FHIP1A: variants seen among roughly 807,000 people sequenced by gnomAD.
FHIP1A encodes FHF complex subunit HOOK-interacting protein 1A.
Under a neutral mutation model 88.6 loss-of-function variants are expected in FHIP1A, and 61 were observed. That is an observed-to-expected ratio of 0.69 (90% CI 0.56 to 0.85). The LOEUF (loss-of-function observed/expected upper bound fraction) is 0.85, where lower values mean the gene tolerates loss of function less well. FHIP1A is among the 40% of genes least tolerant of loss of function. The probability of loss-of-function intolerance (pLI) is 0.00; values close to 1 mark genes in which losing one functional copy is unlikely to be tolerated. For missense variants in FHIP1A, 1,154 were observed against 1,273.5 expected (o/e 0.91, Z 1.43); for synonymous variants, 478 against 496.0 (o/e 0.96, Z 0.48).
intron 13 of FHIP1A, among the ~76,000 whole-genome samples, chr4:151,659,356 A>G (rs540415595): frequency 1.3e-5 from 2 of 152,304 alleles, no homozygotes; most frequent in South Asian, 2.1e-4. Context: ...TGAAGCATTT[A>G]CTGTGACATG....
intron 3 of FHIP1A, among the ~76,000 whole-genome samples, chr4:151,551,336 T>C (rs1456147176): frequency 6.6e-6 from 1 of 152,146 alleles, no homozygotes; most frequent in Non-Finnish European, 1.5e-5. Context: ...AAAACTACTT[T>C]AAAGTTCATA....
intron 1 of FHIP1A, among the ~76,000 whole-genome samples, chr4:151,428,391 T>C (rs1004365855): frequency 6.6e-6 from 1 of 152,198 alleles, no homozygotes; most frequent in Non-Finnish European, 1.5e-5. Context: ...AAGTAAATAA[T>C]GAAACTGATT....
rs1245241852 is a variant in FHIP1A at position 151,649,449 on chromosome 4, T to C, written c.1418-10T>C. ...TCCCTTGTTCTAACCAGCCTCTGCC[T>C]CCTGTGCAGGGCCTGTGGAGCGGCC... On this transcript the variant is annotated splice_polypyrimidine_tract_variant and intron_variant, in intron 10 of 13. Transcript: ENST00000435205. The C allele has an allele frequency of 5.2e-6, 8 of 1,536,636 alleles. No homozygotes were observed. In the South Asian group the frequency reaches 8.7e-5, roughly 17 times the overall value.
intron 1 of FHIP1A, among the ~76,000 whole-genome samples, chr4:151,427,774 A>G (rs1733440853): frequency 6.6e-6 from 1 of 152,156 alleles, no homozygotes; most frequent in South Asian, 2.1e-4. Flanking sequence ...AGAGCATATC[A>G]TGGTAATACA....
chr4:151,523,559 G>C (rs937962786), intron 3 of FHIP1A, among the ~76,000 whole-genome samples: 1 of 151,820 alleles, frequency 6.6e-6, no homozygotes, highest in African/African-American at 2.4e-5. Flanking sequence ...CTATGTTTTT[G>C]TATTCTTTCA....
chr4:151,499,108 A>T (rs555305723), intron 3 of FHIP1A, among the ~76,000 whole-genome samples: 1 of 152,352 alleles, frequency 6.6e-6, no homozygotes, highest in East Asian at 1.9e-4. Flanking sequence ...ATGTGTATCT[A>T]TATTTTGGGC....
chr4:151,622,197 A>G (rs1049144411), intron 7 of FHIP1A, among the ~76,000 whole-genome samples: 4 of 152,212 alleles, frequency 2.6e-5, no homozygotes, highest in African/African-American at 9.6e-5. Context: ...GGGGAGTCTG[A>G]GAGGTTTAAT....
intron 7 of FHIP1A, among the ~76,000 whole-genome samples, chr4:151,623,544 G>T (rs753626192): frequency 0.088 from 4,009 of 45,402 alleles, 103 homozygotes; most frequent in Non-Finnish European, 0.12. Flanking sequence ...TTTTTTTTTC[G>T]CCTCAATTTG....
intron 3 of FHIP1A, among the ~76,000 whole-genome samples, chr4:151,486,165 C>T (rs913764037): frequency 2.0e-5 from 3 of 152,158 alleles, no homozygotes; most frequent in African/African-American, 7.2e-5. Context: ...AAGTAAAGCT[C>T]ACCCACTGCT....
intron 3 of FHIP1A, among the ~76,000 whole-genome samples, chr4:151,502,433 A>G (rs1028058831): frequency 1.3e-5 from 2 of 152,226 alleles, no homozygotes; most frequent in African/African-American, 4.8e-5. Context: ...AAGTGAAACC[A>G]TGTAGAAATT....
intron 2 of FHIP1A, among the ~76,000 whole-genome samples, chr4:151,470,262 G>A (rs751489941): frequency 5.3e-5 from 8 of 152,118 alleles, no homozygotes; most frequent in African/African-American, 9.7e-5. Context: ...TTTTTACTTT[G>A]CAAATGTGTT....
intron 3 of FHIP1A, among the ~76,000 whole-genome samples, chr4:151,485,484 G>A (rs1204065111): frequency 2.0e-5 from 3 of 151,792 alleles, no homozygotes; most frequent in African/African-American, 7.3e-5. Flanking sequence ...CTAGACTAGA[G>A]GTTCTCAAAG....
At position 151,637,738 on chromosome 4, in the gene FHIP1A, G is replaced by T. The variant is rs188214882; in HGVS notation, c.1147-939G>T. Among the ~76,000 whole-genome samples the T allele has an allele frequency of 2.6e-5, 4 of 152,272 alleles. No individual in the cohort carries two copies. The East Asian group carries it at 7.7e-4, about 29-fold the overall frequency. On this transcript the variant is annotated intron_variant, in intron 8 of 13. Coordinates refer to ENST00000435205, the MANE Select transcript of FHIP1A (RefSeq NM_001109977.3). ...AAGGCATTGCATTTAATGGAACCAC[G>T]TGTGCAAAGACTTGGAATGGGAACA...
chr4:151,644,101 T>C (rs181634258), intron 9 of FHIP1A, among the ~76,000 whole-genome samples: 49 of 152,340 alleles, frequency 3.2e-4, no homozygotes, highest in Non-Finnish European at 6.0e-4. Context: ...ATAAAAGCAT[T>C]GAAGCAGTTT....
intron 1 of FHIP1A, among the ~76,000 whole-genome samples, chr4:151,418,744 A>G (rs1233718113): frequency 6.6e-6 from 1 of 152,134 alleles, no homozygotes; most frequent in Non-Finnish European, 1.5e-5. Flanking sequence ...CTATGTTTAG[A>G]TCCTGACATC....
chr4:151,469,610 A>T (rs1729440954), intron 2 of FHIP1A, among the ~76,000 whole-genome samples: 1 of 152,152 alleles, frequency 6.6e-6, no homozygotes, highest in Admixed American at 6.5e-5. Context: ...AATTCTCAAA[A>T]GTTCATTATG....
At chr4:151,561,249 C>T (rs1041687645) in intron 3 of FHIP1A, among the ~76,000 whole-genome samples, 5 of 152,156 alleles carry the variant, frequency 3.3e-5, no homozygotes, top group African/African-American at 1.2e-4. Flanking sequence ...AAATAAGATT[C>T]TGATTTACTG....
chr4:151,565,087 T>C lies in FHIP1A; in HGVS notation c.-122-1051T>C, dbSNP rs577400224. On this transcript the variant is annotated intron_variant, in intron 3 of 13. Transcript: ENST00000435205. The stretch of plus-strand genomic sequence containing the variant: ...ATAATGGCTACCCCCTGTTTTCTTT[T>C]GACATTACAAGTCTACAAACTTTTA... Among the ~76,000 whole-genome samples, 6 of 152,122 alleles carry C rather than the reference T, an allele frequency of 3.9e-5. No individual in the cohort carries two copies. The Middle Eastern group carries it at 0.01, about 259-fold the overall frequency.
intron 3 of FHIP1A, among the ~76,000 whole-genome samples, chr4:151,563,913 T>C (rs112741357): frequency 0.012 from 1,797 of 152,142 alleles, 30 homozygotes; most frequent in African/African-American, 0.041. Context: ...GGATTGCTTG[T>C]GCCCAGGAGT....
Sources: gnomAD v4.1 joint callset for allele counts (sites outside exome capture counted in the v4.1 genomes callset) on GRCh38, gnomAD v4.1.1 for gene constraint, MANE v1.5 for transcripts, NCBI Gene and HGNC (gene_info 2026-07-23, HGNC 2026-07-21) for gene names.